The following RTN3 variants were observed in gnomAD, a reference collection of about 807,000 sequenced individuals.
RTN3 encodes reticulon 3.
A neutral mutation model predicts 77.8 loss-of-function variants in RTN3; 49 were observed. That is an observed-to-expected ratio of 0.63 (90% CI 0.50 to 0.80). RTN3 has a LOEUF of 0.80. Among genes scored for constraint, RTN3 ranks in the 30% least tolerant of loss-of-function variants. The pLI, the probability that RTN3 is intolerant of heterozygous loss-of-function variation, is 0.00. For missense variants in RTN3, 1,236 were observed against 1,211.9 expected (o/e 1.02, Z -0.29); for synonymous variants, 464 against 446.9 (o/e 1.04, Z -0.48).
At chr11:63,757,487 A>C (rs1472909792) in intron 8 of RTN3, among the ~76,000 whole-genome samples, 1 of 152,016 alleles carries the variant, frequency 6.6e-6, no homozygotes, top group Non-Finnish European at 1.5e-5. Flanking sequence ...CAGCCTCCTG[A>C]GTAGCTGACA....
At chr11:63,711,384 A>ATT (rs199782558) in intron 2 of RTN3, among the ~76,000 whole-genome samples, 43 of 144,136 alleles carry the variant, frequency 3.0e-4, no homozygotes, top group African/African-American at 6.6e-4. Context: ...TGGGTTTTTT[A>ATT]TTTTTTTTTT....
rs776978661 is a variant in RTN3 at position 63,753,172 on chromosome 11, T to C, written c.2947+34T>C. ...GCAAGGAGAATGTGCCCATGCTCTT[T>C]GAAGTAGTTTGTAAGAATAAGAGTG... On this transcript the variant is annotated intron_variant, in intron 6 of 8. Coordinates refer to ENST00000377819, the MANE Select transcript of RTN3 (RefSeq NM_001265589.2). The C allele has an allele frequency of 3.8e-6, 6 of 1,581,512 alleles. No individual in the cohort carries two copies. In the South Asian group the frequency reaches 6.6e-5, roughly 18 times the overall value.
At chr11:63,706,767 G>T (rs1649401636) in intron 2 of RTN3, among the ~76,000 whole-genome samples, 1 of 151,720 alleles carries the variant, frequency 6.6e-6, no homozygotes, top group South Asian at 2.1e-4. Context: ...AAGCAAATAG[G>T]TATTAAATTA....
chr11:63,735,514 G>GGATTCAAGACAATTCAAAGTCCCA (rs1226257162), intron 3 of RTN3, among the ~76,000 whole-genome samples: 3 of 131,714 alleles, frequency 2.3e-5, no homozygotes, highest in Non-Finnish European at 3.1e-5. Flanking sequence ...ACTGATCTAT[G>GGATTCAAGACAATTCAAAGTCCCA]GATTCAAGAC....
chr11:63,719,272 T>A lies in RTN3; in HGVS notation c.770T>A (p.Phe257Tyr). 6.2e-7 allele frequency: 1 copy of A among 1,614,092 alleles called. No homozygotes were observed. Among genetic ancestry groups the A allele is most frequent in the South Asian group, 1.1e-5 (1 of 91,066 alleles). Residue 257 changes from phenylalanine to tyrosine, a missense_variant, in exon 3 of 9, where the codon TTT (phenylalanine) becomes TAT (tyrosine). Physicochemically the swap from Phe to Tyr is conservative, Grantham distance 22. Around this residue, in one of 3 missense-constraint regions of RTN3, gnomAD observed 1,056 missense variants for 990.4 expected, o/e 1.07. Transcript: ENST00000377819. ...PFEVIIDKAAFDKEFKDSYKE... is the reference protein window; with the variant it reads ...PFEVIIDKAAYDKEFKDSYKE... The stretch of plus-strand genomic sequence containing the variant: ...GAAGTAATTATTGACAAAGCAGCAT[T>A]TGACAAAGAATTTAAAGACTCATAT...
chr11:63,704,276 T>TA (rs1942388937), intron 1 of RTN3, among the ~76,000 whole-genome samples: 1 of 152,194 alleles, frequency 6.6e-6, no homozygotes, highest in Non-Finnish European at 1.5e-5. Flanking sequence ...GTGCTGGTAT[T>TA]ACAGATGTGA....
chr11:63,730,006 ACCCAGG>A (rs1386760388), intron 3 of RTN3, among the ~76,000 whole-genome samples: 6 of 151,988 alleles, frequency 3.9e-5, no homozygotes. Flanking sequence ...TCACTCTGTC[ACCCAGG>A]CTGGAGTGCA....
intron 2 of RTN3, among the ~76,000 whole-genome samples, chr11:63,705,757 C>T (rs1942465198): frequency 6.6e-6 from 1 of 152,202 alleles, no homozygotes; most frequent in African/African-American, 2.4e-5. Flanking sequence ...AGCAAGGCTT[C>T]TTGTCCTAGA....
chr11:63,746,307 A>G (rs1191095969), intron 3 of RTN3, among the ~76,000 whole-genome samples: 2 of 152,160 alleles, frequency 1.3e-5, no homozygotes, highest in Non-Finnish European at 2.9e-5. Flanking sequence ...TCTGCACTCT[A>G]GTTCACCAGT....
Position 63,719,665 on chromosome 11 carries a change from C to T in RTN3, c.1163C>T (p.Pro388Leu). Reference sequence around the variant, plus strand: ...AAAACTAGCACTCATCAGAAAACTCCTGTATGTTCTATTGATGGGAGCACT... The same window carrying T: ...AAAACTAGCACTCATCAGAAAACTCTTGTATGTTCTATTGATGGGAGCACT... ...NLKTSTHQKT[P>L]VCSIDGSTPI... The change falls in exon 3 of 9, where the codon CCT (proline) becomes CTT (leucine). Residue 388 changes from proline (P) to leucine (L), a missense_variant. Physicochemically the swap from Pro to Leu is moderately conservative, Grantham distance 98 (BLOSUM62 -3). Around this residue, in one of 3 missense-constraint regions of RTN3, gnomAD observed 1,056 missense variants for 990.4 expected, o/e 1.07. Transcript: ENST00000377819. 1 of 1,614,048 alleles carries T rather than the reference C, an allele frequency of 6.2e-7. No homozygotes were observed. The highest frequency in any genetic ancestry group is 1.7e-5 in the Admixed American group (1 of 60,022).
At chr11:63,715,486 C>T (rs1024534923) in intron 2 of RTN3, among the ~76,000 whole-genome samples, 3 of 152,016 alleles carry the variant, frequency 2.0e-5, no homozygotes, top group African/African-American at 7.2e-5. Flanking sequence ...GTGAAACCAG[C>T]TCTCTACTAA....
chr11:63,738,378 G>A (rs890241743), intron 3 of RTN3, among the ~76,000 whole-genome samples: 4 of 152,188 alleles, frequency 2.6e-5, no homozygotes, highest in East Asian at 1.9e-4. Context: ...AGTGATTCAC[G>A]CCTGTAATTC....
intron 3 of RTN3, among the ~76,000 whole-genome samples, chr11:63,734,444 C>G (rs1278891851): frequency 1.3e-5 from 2 of 151,356 alleles, no homozygotes; most frequent in East Asian, 3.9e-4. Flanking sequence ...AAGACTGTCT[C>G]AAACAAAAAT....
chr11:63,704,781 C>G, intron 1 of RTN3, 70 bp from the exon 2 acceptor site: 5 of 1,163,762 alleles, frequency 4.3e-6, no homozygotes, highest in Non-Finnish European at 5.1e-6. Flanking sequence ...TCCTCCCCAT[C>G]AAAAAGAAAG....
intron 1 of RTN3, among the ~76,000 whole-genome samples, chr11:63,688,317 A>G (rs982057341): frequency 1.4e-5 from 2 of 143,242 alleles, no homozygotes; most frequent in Admixed American, 1.5e-4. Context: ...TCCATCTCCC[A>G]GGTTCATGCC....
At chr11:63,714,175 T>C (rs1450561179) in intron 2 of RTN3, 1 of 362,746 alleles carries the variant, frequency 2.8e-6, no homozygotes, top group African/African-American at 2.2e-5. Context: ...TTTGTTAGGG[T>C]TTCAGCTAGC....
At chr11:63,700,053 A>G (rs2134698379) in intron 1 of RTN3, among the ~76,000 whole-genome samples, 1 of 152,326 alleles carries the variant, frequency 6.6e-6, no homozygotes, top group African/African-American at 2.4e-5. Flanking sequence ...CTGCATAACA[A>G]TTTGCATGTT....
At chr11:63,690,778 A>C (rs1941613442) in intron 1 of RTN3, among the ~76,000 whole-genome samples, 1 of 152,164 alleles carries the variant, frequency 6.6e-6, no homozygotes, top group African/African-American at 2.4e-5. Context: ...TCCTCCTCTT[A>C]ACATGCTTTC....
In RTN3 at chr11:63,719,004, T is replaced by C. The variant is rs765796053; in HGVS notation, c.502T>C (p.Phe168Leu). The C allele has an allele frequency of 5.6e-6, 9 of 1,614,158 alleles. No homozygotes were observed. The East Asian group carries it at 2.0e-4, about 36-fold the overall frequency. ...AGCCAGTTTCCCAGAGCATCCTGCT[T>C]TTCTCTCAAAGAAAATTGGTCAAGT... The part of the protein sequence containing the change: ...IPASFPEHPA[F>L]LSKKIGQVEE... Residue 168 changes from phenylalanine to leucine, a missense_variant, in exon 3 of 9, where the codon TTT becomes CTT. Phe to Leu is a conservative substitution (Grantham distance 22). Coordinates refer to ENST00000377819, the MANE Select transcript of RTN3 (RefSeq NM_001265589.2).
Sources: gnomAD v4.1 joint callset for allele counts (sites outside exome capture counted in the v4.1 genomes callset) on GRCh38, gnomAD v4.1.1 for gene constraint, gnomAD v4.1.1 regional missense constraint, MANE v1.5 for transcripts, NCBI Gene and HGNC (gene_info 2026-07-23, HGNC 2026-07-21) for gene names.